The following SCAF11 variants were observed in gnomAD, a reference collection of about 807,000 sequenced individuals.
The protein encoded by SCAF11 is protein SCAF11.
A neutral mutation model predicts 140.5 loss-of-function variants in SCAF11; 47 were observed. That is an observed-to-expected ratio of 0.33 (90% CI 0.26 to 0.43). The LOEUF is 0.43. Among genes scored for constraint, SCAF11 ranks in the 20% least tolerant of loss-of-function variants. The pLI is 1.00. For synonymous variants in SCAF11, 557 were observed against 579.4 expected, an observed-to-expected ratio of 0.96 and a Z score of 0.55; for missense variants, 1,645 against 1,705.1, an observed-to-expected ratio of 0.96 and a Z score of 0.62.
intron 1 of SCAF11, among the ~76,000 whole-genome samples, chr12:45,966,272 C>A (rs978696673): frequency 1.3e-5 from 2 of 151,256 alleles, no homozygotes; most frequent in Admixed American, 6.6e-5. Context: ...ATGAACTGTT[C>A]TGAAGGGAGG....
At chr12:45,959,578 G>A (rs921969039) in intron 3 of SCAF11, among the ~76,000 whole-genome samples, 2 of 152,100 alleles carry the variant, frequency 1.3e-5, no homozygotes, top group African/African-American at 4.8e-5. Flanking sequence ...TGAGAGGATG[G>A]AGCTTAATTT....
chr12:45,934,333 AAAT>A (rs1945122314), intron 7 of SCAF11, 48 bp from the exon 8 acceptor site: 1 of 1,399,770 alleles, frequency 7.1e-7, no homozygotes, highest in Admixed American at 1.8e-5. Context: ...AATAACAGGT[AAAT>A]AATAGTTATA....
At chr12:45,930,000 AT>A (rs1292154280) in intron 10 of SCAF11, 4 of 150,040 alleles carry the variant, frequency 2.7e-5, no homozygotes, top group African/African-American at 7.6e-5. Context: ...GAATTAATAT[AT>A]TTTTTATGTT....
In SCAF11 at chr12:45,926,999, G is replaced by T; in HGVS notation, c.2702C>A (p.Ser901Tyr). The T allele has an allele frequency of 6.2e-7, 1 of 1,613,274 alleles. No individual in the cohort carries two copies. Among genetic ancestry groups the T allele is most frequent in the Non-Finnish European group, 8.5e-7 (1 of 1,180,008 alleles). The part of the protein sequence containing the change: ...NKRSQPRVKD[S>Y]SPGEKSRSQS... ...GGACCTGGATTTTTCTCCTGGGGAA[G>T]AATCTTTCACTCTTGGCTGAGATCT... The change falls in exon 11 of 15, where the codon TCT becomes TAT. Residue 901 changes from serine (S) to tyrosine (Y), a missense_variant. By Grantham distance (144) the Ser-to-Tyr change is moderately radical. Coordinates refer to ENST00000369367, the MANE Select transcript of SCAF11 (RefSeq NM_004719.3).
At chr12:45,930,284 G>C (rs1945009507) in intron 10 of SCAF11, among the ~76,000 whole-genome samples, 1 of 152,052 alleles carries the variant, frequency 6.6e-6, no homozygotes, top group Non-Finnish European at 1.5e-5. Context: ...ACTTATGTGG[G>C]TCCCAAAGGT....
chr12:45,933,641 A>T (rs1945105618), intron 8 of SCAF11, among the ~76,000 whole-genome samples: 1 of 152,174 alleles, frequency 6.6e-6, no homozygotes. Flanking sequence ...GGTATAGTTC[A>T]GCTTTTCAAA....
In SCAF11 at chr12:45,961,827, G is replaced by A. The variant is rs747380226; in HGVS notation, c.92C>T (p.Thr31Ile). The change falls in exon 3 of 15, where the codon ACT (threonine) becomes ATT (isoleucine). Residue 31 changes from threonine to isoleucine, a missense_variant. By Grantham distance (89) the Thr-to-Ile change is moderately conservative. Around this residue, in one of 2 missense-constraint regions of SCAF11, gnomAD observed 1,582 missense variants for 1,609.2 expected, o/e 0.98. Coordinates refer to ENST00000369367, the MANE Select transcript of SCAF11 (RefSeq NM_004719.3). ...GTCAGCCTCACTGTACAACAGACCA[G>A]TGGAAATAGTATTATCTCCGTTTTC... ...GEENGDNTIS[T>I]GLLYSEADRC... 6.8e-6 allele frequency: 11 copies of A among 1,607,798 alleles called. No individual in the cohort carries two copies. The East Asian group carries it at 1.8e-4, about 26-fold the overall frequency.
upstream of SCAF11, chr12:45,991,889 G>C (rs1013189024): frequency 7.8e-7 from 1 of 1,286,212 alleles, no homozygotes; most frequent in Admixed American, 2.3e-5. Context: ...GCTCACCCAG[G>C]TCCCAGTCGC....
intron 6 of SCAF11, among the ~76,000 whole-genome samples, chr12:45,937,048 T>C (rs1945188317): frequency 6.6e-6 from 1 of 151,480 alleles, no homozygotes; most frequent in African/African-American, 2.4e-5. Context: ...TTTGGTATGA[T>C]TTTTTTTTCA....
chr12:45,990,627 C>G, upstream of SCAF11: 2 of 1,185,676 alleles, frequency 1.7e-6, no homozygotes, highest in Non-Finnish European at 2.1e-6. Context: ...CCCTGCGCGT[C>G]TCCCTCCTCC....
At position 45,951,687 on chromosome 12, in the gene SCAF11, G is replaced by A; in HGVS notation, c.260C>T (p.Ala87Val). 6.3e-7 allele frequency: 1 copy of A among 1,592,652 alleles called. No homozygotes were observed. The highest frequency in any genetic ancestry group is 8.6e-7 in the Non-Finnish European group (1 of 1,166,548). The change falls in exon 4 of 15, where the codon GCA becomes GTA. Residue 87 changes from alanine (A) to valine (V), a missense_variant. Coordinates refer to ENST00000369367, the MANE Select transcript of SCAF11 (RefSeq NM_004719.3). ...SCPIDRKPFQ[A>V]VFKFSALEGY... ...TTCCAATGCACTGAATTTAAACACT[G>A]CCTGAAAAGGTTTACGGTCAATAGG...
intron 3 of SCAF11, among the ~76,000 whole-genome samples, chr12:45,959,711 T>C (rs1038001918): frequency 1.3e-5 from 2 of 152,204 alleles, no homozygotes; most frequent in African/African-American, 4.8e-5. Flanking sequence ...ACTGAAAACT[T>C]AGTCTACATG....
At chr12:45,957,925 T>C (rs966580006) in intron 3 of SCAF11, among the ~76,000 whole-genome samples, 5 of 152,076 alleles carry the variant, frequency 3.3e-5, no homozygotes, top group African/African-American at 1.2e-4. Flanking sequence ...TAGGGTCTTA[T>C]TTTGTCACCC....
intron 2 of SCAF11, 100 bp from the exon 3 acceptor site, chr12:45,961,957 T>A: frequency 1.3e-6 from 1 of 780,254 alleles, no homozygotes; most frequent in Admixed American, 3.1e-5. Context: ...AGGACCCTCC[T>A]ACTATAAAGC....
At chr12:45,963,457 G>T (rs1020939081) in intron 2 of SCAF11, among the ~76,000 whole-genome samples, 5 of 150,386 alleles carry the variant, frequency 3.3e-5, no homozygotes, top group African/African-American at 1.2e-4. Context: ...AGTGCTAAGA[G>T]AAAAAAAAAC....
At chr12:45,938,307 T>A (rs1592180018) in intron 6 of SCAF11, among the ~76,000 whole-genome samples, 1 of 152,070 alleles carries the variant, frequency 6.6e-6, no homozygotes. Flanking sequence ...CTGGCCAACA[T>A]GGTGAAACCC....
chr12:45,945,259 C>T lies in SCAF11; in HGVS notation c.453G>A (p.Lys151=). ...CAAAAAGTAACTTACTATGTATCCA[C>T]TTCAAGTCACAAACTTTTGCACTTA... ...DLLSAKVCDL[K]WIHRNSLYSE... is the part of the protein sequence containing the mutation. Residue 151 remains lysine (K), a synonymous_variant, in exon 6 of 15, where the codon AAG becomes AAA. Coordinates refer to ENST00000369367, the MANE Select transcript of SCAF11 (RefSeq NM_004719.3). The T allele has an allele frequency of 6.3e-7, 1 of 1,575,228 alleles. No individual in the cohort carries two copies. The highest frequency in any genetic ancestry group is 8.6e-7 in the Non-Finnish European group (1 of 1,158,732).
chr12:45,964,219 T>C, intron 1 of SCAF11, 31 bp from the exon 2 acceptor site: 2 of 1,013,478 alleles, frequency 2.0e-6, no homozygotes, highest in Non-Finnish European at 1.5e-6. Flanking sequence ...GAGAATTTTA[T>C]GTTTGCCTTC....
chr12:45,931,333 CTA>C (rs1945041098), intron 10 of SCAF11, 171 bp downstream of exon 10: 1 of 399,920 alleles, frequency 2.5e-6, no homozygotes, highest in African/African-American at 2.1e-5. Flanking sequence ...TACATACACT[CTA>C]GTTGAAGCAA....
Sources: gnomAD v4.1 joint callset for allele counts (sites outside exome capture counted in the v4.1 genomes callset) on GRCh38, gnomAD v4.1.1 for gene constraint, gnomAD v4.1.1 regional missense constraint, MANE v1.5 for transcripts, NCBI Gene and HGNC (gene_info 2026-07-23, HGNC 2026-07-21) for gene names.